The following SLC35F4 variants were observed in gnomAD, a reference collection of about 807,000 sequenced individuals.
SLC35F4 encodes solute carrier family 35 member F4, also known as chromosome 14 open reading frame 36.
Under a neutral mutation model 44.2 loss-of-function variants are expected in SLC35F4, and 24 were observed. That is an observed-to-expected ratio of 0.54 (90% CI 0.39 to 0.76). The LOEUF is 0.76. Among genes scored for constraint, SLC35F4 ranks in the 30% least tolerant of loss-of-function variants. The pLI is 0.00. For missense variants in SLC35F4, 562 were observed against 586.1 expected, an observed-to-expected ratio of 0.96 and a Z score of 0.42; for synonymous variants, 238 against 223.6, an observed-to-expected ratio of 1.06 and a Z score of -0.57.
upstream of SLC35F4, among the ~76,000 whole-genome samples, chr14:57,982,922 G>A (rs1035439351): frequency 3.3e-5 from 5 of 152,050 alleles, no homozygotes; most frequent in Admixed American, 1.3e-4. Context: ...CTCCATTTAT[G>A]GGAAATAGGT....
intron 1 of SLC35F4, among the ~76,000 whole-genome samples, chr14:57,917,459 T>C (rs2141055486): frequency 6.6e-6 from 1 of 152,344 alleles, no homozygotes; most frequent in East Asian, 1.9e-4. Flanking sequence ...CCTTGTCTGA[T>C]AATCCCAACA....
chr14:57,783,861 T>C (rs985884051), intron 1 of SLC35F4, among the ~76,000 whole-genome samples: 2 of 152,150 alleles, frequency 1.3e-5, no homozygotes, highest in Non-Finnish European at 2.9e-5. Flanking sequence ...CAAGATATTC[T>C]ATGAAAGATT....
At chr14:57,901,727 T>A (rs1228760963) in intron 1 of SLC35F4, among the ~76,000 whole-genome samples, 2 of 152,146 alleles carry the variant, frequency 1.3e-5, no homozygotes, top group Non-Finnish European at 2.9e-5. Flanking sequence ...TAAATAATAT[T>A]TGCGAATATA....
chr14:57,968,402 GCTGT>G (rs1045048607), intron 1 of SLC35F4, among the ~76,000 whole-genome samples: 1 of 152,116 alleles, frequency 6.6e-6, no homozygotes, highest in Non-Finnish European at 1.5e-5. Flanking sequence ...CTTTTTACCT[GCTGT>G]CTGATACTCC....
chr14:57,964,899 G>A (rs2141090502), intron 1 of SLC35F4, among the ~76,000 whole-genome samples: 1 of 150,520 alleles, frequency 6.6e-6, no homozygotes, highest in South Asian at 2.1e-4. Flanking sequence ...AGATTTTAGG[G>A]GCATCACTAG....
At chr14:57,647,330 A>C (rs1320225768) in intron 1 of SLC35F4, among the ~76,000 whole-genome samples, 2 of 152,152 alleles carry the variant, frequency 1.3e-5, no homozygotes, top group Non-Finnish European at 2.9e-5. Flanking sequence ...ATATACATTT[A>C]GGATAGTTAC....
At chr14:57,804,651 C>G (rs188494406) in intron 1 of SLC35F4, among the ~76,000 whole-genome samples, 1 of 151,964 alleles carries the variant, frequency 6.6e-6, no homozygotes, top group African/African-American at 2.4e-5. Context: ...ATGTAAAACC[C>G]AAAACTATAA....
At chr14:57,837,254 C>T (rs941762221) in intron 1 of SLC35F4, 3 of 152,168 alleles carry the variant, frequency 2.0e-5, no homozygotes, top group Non-Finnish European at 4.4e-5. Context: ...TCAAGAGACA[C>T]TGTTACAGGG....
chr14:57,731,496 A>T (rs1021390378), intron 1 of SLC35F4, among the ~76,000 whole-genome samples: 1 of 152,116 alleles, frequency 6.6e-6, no homozygotes, highest in Non-Finnish European at 1.5e-5. Flanking sequence ...CTTTTGCCAG[A>T]GCCTTTTTCT....
intron 1 of SLC35F4, among the ~76,000 whole-genome samples, chr14:57,702,043 G>A (rs7160495): frequency 0.12 from 18,062 of 152,108 alleles, 1,356 homozygotes; most frequent in African/African-American, 0.2. Flanking sequence ...TGATTAGAGG[G>A]TGGTCTGTTT....
intron 1 of SLC35F4, among the ~76,000 whole-genome samples, chr14:57,876,807 C>T (rs1888409201): frequency 6.6e-6 from 1 of 152,090 alleles, no homozygotes; most frequent in African/African-American, 2.4e-5. Flanking sequence ...TCAGGGACCC[C>T]TTATTCTTAA....
chr14:57,771,928 T>C (rs1227068903), intron 1 of SLC35F4, among the ~76,000 whole-genome samples: 1 of 152,192 alleles, frequency 6.6e-6, no homozygotes, highest in Non-Finnish European at 1.5e-5. Flanking sequence ...AGCTATCTTT[T>C]GTAGATAAGG....
intron 1 of SLC35F4, among the ~76,000 whole-genome samples, chr14:57,784,649 C>CCTGGGTAACA (rs1221759618): frequency 6.6e-6 from 1 of 152,122 alleles, no homozygotes; most frequent in Non-Finnish European, 1.5e-5. Context: ...TGCACTCTAG[C>CCTGGGTAACA]CTGGGTAACA....
chr14:57,953,506 C>T (rs1890179640), intron 1 of SLC35F4, among the ~76,000 whole-genome samples: 1 of 152,070 alleles, frequency 6.6e-6, no homozygotes, highest in African/African-American at 2.4e-5. Context: ...TAGTCAAGAC[C>T]CGTCAGTGTG....
At chr14:57,810,420 A>G (rs79947035) in intron 1 of SLC35F4, among the ~76,000 whole-genome samples, 2 of 152,270 alleles carry the variant, frequency 1.3e-5, no homozygotes, top group African/African-American at 4.8e-5. Context: ...GATTTTCATA[A>G]TTTTACTTTT....
intron 1 of SLC35F4, among the ~76,000 whole-genome samples, chr14:57,695,723 C>T (rs572589046): frequency 2.0e-3 from 311 of 152,206 alleles, no homozygotes; most frequent in African/African-American, 6.8e-3. Flanking sequence ...CATGCACACG[C>T]ATGTTTATAA....
In SLC35F4 at chr14:57,798,481, T is replaced by A. The variant is rs2078108095; in HGVS notation, c.103+67242A>T. On this transcript the variant is annotated intron_variant, in intron 1 of 7. Coordinates refer to ENST00000556826, the MANE Select transcript of SLC35F4 (RefSeq NM_001306087.2). ...GCCTTAACTGGGTAGAAGGTAAAAC[T>A]AGTTCAAAAATCTAAACAATTCTGA... 2.0e-5 allele frequency among the ~76,000 whole-genome samples: 3 copies of A among 152,212 alleles called. No individual in the cohort carries two copies. In the South Asian group the frequency reaches 6.2e-4, roughly 32 times the overall value.
At chr14:57,772,747 A>G (rs931416903) in intron 1 of SLC35F4, among the ~76,000 whole-genome samples, 20 of 152,136 alleles carry the variant, frequency 1.3e-4, no homozygotes, top group African/African-American at 4.8e-4. Context: ...TTATTTATTT[A>G]TTCAACTGCT....
At chr14:57,848,539 C>T (rs533234273) in intron 1 of SLC35F4, among the ~76,000 whole-genome samples, 1 of 152,168 alleles carries the variant, frequency 6.6e-6, no homozygotes. Context: ...AAGGAAAAAG[C>T]CCAGCTGATT....
Sources: gnomAD v4.1 joint callset for allele counts (sites outside exome capture counted in the v4.1 genomes callset) on GRCh38, gnomAD v4.1.1 for gene constraint, MANE v1.5 for transcripts, NCBI Gene and HGNC (gene_info 2026-07-23, HGNC 2026-07-21) for gene names.